Variants in DSCAML1 observed in about 807,000 individuals in gnomAD.
The protein encoded by DSCAML1 is cell adhesion molecule DSCAML1.
A neutral mutation model predicts 200.5 loss-of-function variants in DSCAML1; 38 were observed. That is an observed-to-expected ratio of 0.19 (90% CI 0.15 to 0.25). The LOEUF (loss-of-function observed/expected upper bound fraction) is 0.25, where lower values mean the gene tolerates loss of function less well. Ranked by LOEUF, DSCAML1 falls within the 10% of genes least tolerant of loss-of-function variation. The pLI, the probability that DSCAML1 is intolerant of heterozygous loss-of-function variation, is 1.00. For missense variants in DSCAML1, 2,223 were observed against 2,858.8 expected (o/e 0.78, Z 5.07); for synonymous variants, 1,215 against 1,165.0 (o/e 1.04, Z -0.87).
At chr11:117,555,951 C>T (rs977275894) in intron 3 of DSCAML1, among the ~76,000 whole-genome samples, 5 of 35,392 alleles carry the variant, frequency 1.4e-4, no homozygotes, top group African/African-American at 2.2e-4. Flanking sequence ...TGAGGAGGGG[C>T]GGGGGAGGAG....
intron 3 of DSCAML1, among the ~76,000 whole-genome samples, chr11:117,660,319 C>T (rs570535555): frequency 3.3e-5 from 5 of 152,318 alleles, no homozygotes; most frequent in South Asian, 2.1e-4. Flanking sequence ...TTGAAAGCAC[C>T]GTTGAGGAGC....
chr11:117,556,157 G>C (rs948903134), intron 3 of DSCAML1, among the ~76,000 whole-genome samples: 3 of 152,160 alleles, frequency 2.0e-5, no homozygotes, highest in African/African-American at 7.2e-5. Flanking sequence ...AGGAGATGAA[G>C]CATTATGAAG....
intron 3 of DSCAML1, among the ~76,000 whole-genome samples, chr11:117,719,670 G>A (rs1339069123): frequency 6.6e-6 from 1 of 152,194 alleles, no homozygotes; most frequent in Non-Finnish European, 1.5e-5. Context: ...ACAAAACTAA[G>A]TCCAGATAGG....
chr11:117,727,713 C>A (rs2054157223), intron 3 of DSCAML1, among the ~76,000 whole-genome samples: 1 of 152,146 alleles, frequency 6.6e-6, no homozygotes, highest in Non-Finnish European at 1.5e-5. Flanking sequence ...GAGAATACAG[C>A]TAGTGTTACA....
chr11:117,604,575 C>G (rs905681408), intron 3 of DSCAML1, among the ~76,000 whole-genome samples: 24 of 152,234 alleles, frequency 1.6e-4, no homozygotes, highest in African/African-American at 5.5e-4. Context: ...TGTGGCAAGG[C>G]GGCCAGCTCA....
At chr11:117,445,885 C>T (rs1380656803) in intron 20 of DSCAML1, among the ~76,000 whole-genome samples, 1 of 152,134 alleles carries the variant, frequency 6.6e-6, no homozygotes, top group Non-Finnish European at 1.5e-5. Context: ...TTCAAAAGCA[C>T]ACAGACATAG....
At chr11:117,622,535 G>T (rs545698700) in intron 3 of DSCAML1, among the ~76,000 whole-genome samples, 1 of 152,088 alleles carries the variant, frequency 6.6e-6, no homozygotes, top group Admixed American at 6.6e-5. Flanking sequence ...ACTGTTCTCC[G>T]CAGGCTCACA....
chr11:117,615,975 C>T (rs1328567656), intron 3 of DSCAML1, among the ~76,000 whole-genome samples: 1 of 152,164 alleles, frequency 6.6e-6, no homozygotes, highest in Non-Finnish European at 1.5e-5. Flanking sequence ...GCAGCCAGCT[C>T]ACAACCACCA....
chr11:117,690,330 C>T (rs1241805431), intron 3 of DSCAML1, among the ~76,000 whole-genome samples: 2 of 152,242 alleles, frequency 1.3e-5, no homozygotes, highest in African/African-American at 4.8e-5. Context: ...GGGAGTCTCA[C>T]AAAGTTCCTG....
intron 1 of DSCAML1, among the ~76,000 whole-genome samples, chr11:117,795,635 G>A (rs2055558046): frequency 6.6e-6 from 1 of 152,172 alleles, no homozygotes; most frequent in African/African-American, 2.4e-5. Flanking sequence ...ACCCTTCCTT[G>A]TCCCGCAATC....
intron 20 of DSCAML1, 148 bp from the exon 21 acceptor site, chr11:117,444,187 G>A: frequency 1.0e-6 from 1 of 992,204 alleles, no homozygotes; most frequent in Non-Finnish European, 1.4e-6. Flanking sequence ...CCAAGTTTTA[G>A]AGATGCAGCG....
At position 117,487,069 on chromosome 11, in the gene DSCAML1, C is replaced by T. The variant is rs567407099; in HGVS notation, c.2360-4907G>A. ...TCTCACAAGCAGCTGGGATTACAAG[C>T]GCGTACCACTACGCCTGGCTAATTT... is the stretch of plus-strand genomic sequence containing the variant. On this transcript the variant is annotated intron_variant, in intron 11 of 32. Coordinates refer to ENST00000651296, the MANE Select transcript of DSCAML1 (RefSeq NM_020693.4). Among the ~76,000 whole-genome samples the T allele has an allele frequency of 4.0e-5, 6 of 151,568 alleles. No homozygotes were observed. In the East Asian group the frequency reaches 5.8e-4, roughly 15 times the overall value.
intron 3 of DSCAML1, among the ~76,000 whole-genome samples, chr11:117,703,842 T>C (rs1325871810): frequency 6.6e-6 from 1 of 152,166 alleles, no homozygotes; most frequent in Non-Finnish European, 1.5e-5. Context: ...AGAAGAATAA[T>C]GACGGTGATG....
At position 117,718,667 on chromosome 11, in the gene DSCAML1, A is replaced by ACCC. The variant is rs1295109321; in HGVS notation, c.511+58123_511+58124insGGG. Among the ~76,000 whole-genome samples the ACCC allele has an allele frequency of 1.8e-4, 4 of 22,328 alleles. 1 individual carries two copies. The highest frequency in any genetic ancestry group is 1.9e-4 in the Non-Finnish European group (2 of 10,800). 14.6% of individuals were successfully genotyped at this position (22,328 alleles called of 152,430 possible). On this transcript the variant is annotated intron_variant, in intron 3 of 32. Coordinates refer to ENST00000651296, the MANE Select transcript of DSCAML1 (RefSeq NM_020693.4). ...ACACACACACAAGATGAATACTCAAAACCCCCCCCCCCCCCCATCATATGA... is the reference window on the plus strand; with the variant it reads ...ACACACACACAAGATGAATACTCAAACCCACCCCCCCCCCCCCCCATCATATGA...
rs149224811 is a variant in DSCAML1, at chr11:117,689,023, C to T, written c.511+87768G>A. Reference sequence around the variant, plus strand: ...GAGACCCCTTCCATGCCTCATAGCTCCAGGGAAGCAGCACAACCACCATCC... The same window carrying T: ...GAGACCCCTTCCATGCCTCATAGCTTCAGGGAAGCAGCACAACCACCATCC... On this transcript the variant is annotated intron_variant, in intron 3 of 32. Transcript: ENST00000651296. 3.1e-3 allele frequency among the ~76,000 whole-genome samples: 466 copies of T among 152,234 alleles called. 2 individuals carry two copies. The highest frequency in any genetic ancestry group is 9.4e-3 in the African/African-American group (391 of 41,554).
intron 3 of DSCAML1, among the ~76,000 whole-genome samples, chr11:117,646,163 G>GAA (rs35376532): frequency 6.6e-6 from 1 of 151,566 alleles, no homozygotes; most frequent in Non-Finnish European, 1.5e-5. Flanking sequence ...TTCAAAGTCA[G>GAA]AAAAAAAGTC....
At chr11:117,752,883 C>A (rs1039186253) in intron 3 of DSCAML1, among the ~76,000 whole-genome samples, 2 of 152,230 alleles carry the variant, frequency 1.3e-5, no homozygotes, top group African/African-American at 2.4e-5. Flanking sequence ...AGCACAGAGC[C>A]TGCGCACAGG....
intron 3 of DSCAML1, among the ~76,000 whole-genome samples, chr11:117,637,243 G>A (rs1354610092): frequency 1.3e-5 from 2 of 152,126 alleles, no homozygotes; most frequent in African/African-American, 4.8e-5. Context: ...CCTGTGTAAG[G>A]GTCTAGAATC....
At chr11:117,481,008 A>C (rs553571541) in intron 13 of DSCAML1, among the ~76,000 whole-genome samples, 166 bp downstream of exon 13, 1 of 151,886 alleles carries the variant, frequency 6.6e-6, no homozygotes, top group Non-Finnish European at 1.5e-5. Flanking sequence ...TTATTTCCCT[A>C]CTCTGGGCAG....
Sources: allele counts gnomAD v4.1 joint callset (sites outside exome capture counted in the v4.1 genomes callset), GRCh38; gene constraint gnomAD v4.1.1; transcripts MANE v1.5; gene names NCBI Gene and HGNC (gene_info 2026-07-23, HGNC 2026-07-21).